The following NEGR1 variants were observed in gnomAD, a reference collection of about 807,000 sequenced individuals.
NEGR1 encodes IgLON family member 4.
Under a neutral mutation model 40.9 loss-of-function variants are expected in NEGR1, and 10 were observed. That is an observed-to-expected ratio of 0.24 (90% CI 0.15 to 0.42). The LOEUF is 0.42. Ranked by LOEUF, NEGR1 falls within the 10% of genes least tolerant of loss-of-function variation. The probability of loss-of-function intolerance (pLI) is 1.00; values close to 1 mark genes in which losing one functional copy is unlikely to be tolerated. For synonymous variants in NEGR1, 185 were observed against 166.8 expected, an observed-to-expected ratio of 1.11 and a Z score of -0.84; for missense variants, 352 against 438.9, an observed-to-expected ratio of 0.80 and a Z score of 1.77.
intron 1 of NEGR1, among the ~76,000 whole-genome samples, chr1:72,204,147 T>C (rs1430749157): frequency 6.6e-6 from 1 of 152,056 alleles, no homozygotes; most frequent in Non-Finnish European, 1.5e-5. Flanking sequence ...AACTTGAAAT[T>C]GCATCAAACA....
intron 6 of NEGR1, among the ~76,000 whole-genome samples, chr1:71,477,788 G>T (rs368386907): frequency 2.0e-5 from 3 of 151,734 alleles, no homozygotes; most frequent in East Asian, 3.9e-4. Context: ...CATTATAGTT[G>T]TTTTCTGTGT....
intron 1 of NEGR1, among the ~76,000 whole-genome samples, chr1:72,149,879 C>CAAAAAAAAAAAAAAAAAA (rs1180110033): frequency 7.6e-5 from 3 of 39,346 alleles, no homozygotes; most frequent in Non-Finnish European, 1.5e-4. Flanking sequence ...AAAACTCTGT[C>CAAAAAAAAAAAAAAAAAA]AAAAAAAAAA....
chr1:72,130,571 A>T (rs1171939714), intron 1 of NEGR1, among the ~76,000 whole-genome samples: 2 of 152,080 alleles, frequency 1.3e-5, no homozygotes, highest in Non-Finnish European at 2.9e-5. Flanking sequence ...TCTCCAGACA[A>T]TTTGGGGCAG....
At chr1:71,557,943 A>G (rs751353219) in intron 6 of NEGR1, among the ~76,000 whole-genome samples, 3 of 151,430 alleles carry the variant, frequency 2.0e-5, no homozygotes. Flanking sequence ...CACTTGGAAG[A>G]GCACTGGTTG....
At chr1:71,749,925 A>G (rs187799712) in intron 3 of NEGR1, among the ~76,000 whole-genome samples, 2 of 152,264 alleles carry the variant, frequency 1.3e-5, no homozygotes, top group Non-Finnish European at 2.9e-5. Context: ...TTACAGACAC[A>G]TATAAAAATG....
intron 1 of NEGR1, among the ~76,000 whole-genome samples, chr1:71,971,041 C>T (rs542523419): frequency 6.6e-6 from 1 of 152,166 alleles, no homozygotes; most frequent in East Asian, 1.9e-4. Flanking sequence ...CAGAGTGCCC[C>T]TAAATTTAAT....
At chr1:71,985,566 T>G (rs1399341106) in intron 1 of NEGR1, among the ~76,000 whole-genome samples, 1 of 152,154 alleles carries the variant, frequency 6.6e-6, no homozygotes, top group Non-Finnish European at 1.5e-5. Context: ...ATGTTATATT[T>G]TATACAGTTT....
intron 2 of NEGR1, among the ~76,000 whole-genome samples, chr1:71,901,029 A>C (rs1476908804): frequency 6.6e-6 from 1 of 152,220 alleles, no homozygotes; most frequent in African/African-American, 2.4e-5. Context: ...ATTTGAACAC[A>C]GATCCATCTA....
chr1:72,183,778 G>A (rs1040215052), intron 1 of NEGR1, among the ~76,000 whole-genome samples: 3 of 152,090 alleles, frequency 2.0e-5, no homozygotes, highest in Non-Finnish European at 4.4e-5. Flanking sequence ...TCTACAAAAT[G>A]TATAAGAACT....
rs56767155 is a variant in NEGR1 at position 72,216,402 on chromosome 1, C to CAT, written c.176+65915_176+65916dup. Among the ~76,000 whole-genome samples, 960 of 119,536 alleles carry CAT rather than the reference C, an allele frequency of 8.0e-3. 2 individuals are homozygous for CAT. The highest frequency in any genetic ancestry group is 0.067 in the Middle Eastern group (14 of 208). 78.4% of individuals were successfully genotyped at this position (119,536 alleles called of 152,430 possible). Reference sequence around the variant, plus strand: ...ATATATACATATATATATATATATACATATATATATATATGTATATCTATA... The same window carrying CAT: ...ATATATACATATATATATATATATACATATATATATATATATGTATATCTATA... On this transcript the variant is annotated intron_variant, in intron 1 of 6. Transcript: ENST00000357731.
At chr1:72,136,659 A>C (rs1650477273) in intron 1 of NEGR1, among the ~76,000 whole-genome samples, 1 of 144,394 alleles carries the variant, frequency 6.9e-6, no homozygotes, top group Non-Finnish European at 1.6e-5. Flanking sequence ...AAAAAAGGCA[A>C]AAAAAAAAAA....
chr1:71,880,598 G>T (rs1246710024), intron 2 of NEGR1, among the ~76,000 whole-genome samples: 1 of 151,822 alleles, frequency 6.6e-6, no homozygotes, highest in Non-Finnish European at 1.5e-5. Flanking sequence ...CTTCAACATA[G>T]ATAGAAAACC....
At chr1:71,818,117 GA>G (rs1238318592) in intron 2 of NEGR1, among the ~76,000 whole-genome samples, 1 of 151,962 alleles carries the variant, frequency 6.6e-6, no homozygotes, top group Non-Finnish European at 1.5e-5. Flanking sequence ...CAGCAATTGT[GA>G]AAAACGGTGT....
At chr1:72,093,435 T>C (rs1281608938) in intron 1 of NEGR1, among the ~76,000 whole-genome samples, 1 of 152,074 alleles carries the variant, frequency 6.6e-6, no homozygotes, top group Non-Finnish European at 1.5e-5. Context: ...ACTTATGTAA[T>C]TGGCTTCTGA....
chr1:72,143,341 G>A (rs893021360), intron 1 of NEGR1, among the ~76,000 whole-genome samples: 6 of 151,914 alleles, frequency 3.9e-5, no homozygotes, highest in African/African-American at 9.7e-5. Flanking sequence ...GCCTGAGCCA[G>A]TCATGCCCAA....
intron 6 of NEGR1, among the ~76,000 whole-genome samples, chr1:71,417,680 TTTTC>T (rs1646365298): frequency 6.6e-6 from 1 of 152,184 alleles, no homozygotes; most frequent in Non-Finnish European, 1.5e-5. Context: ...GGCACCTCAG[TTTTC>T]TCAGTTGAAC....
intron 1 of NEGR1, among the ~76,000 whole-genome samples, chr1:72,124,896 C>A (rs1649949884): frequency 6.6e-6 from 1 of 152,002 alleles, no homozygotes; most frequent in African/African-American, 2.4e-5. Context: ...ACTATAATTT[C>A]TCATTTGATA....
intron 3 of NEGR1, among the ~76,000 whole-genome samples, chr1:71,739,591 A>G (rs2101674708): frequency 6.6e-6 from 1 of 152,190 alleles, no homozygotes; most frequent in South Asian, 2.1e-4. Flanking sequence ...CTCCTATTCT[A>G]TCTGTGTGCA....
chr1:71,805,718 T>G (rs1657745208), intron 2 of NEGR1, among the ~76,000 whole-genome samples: 1 of 152,242 alleles, frequency 6.6e-6, no homozygotes, highest in Non-Finnish European at 1.5e-5. Flanking sequence ...GCTTAACTAC[T>G]TGCCTGCTGT....
Sources: allele counts gnomAD v4.1 joint callset (sites outside exome capture counted in the v4.1 genomes callset), GRCh38; gene constraint gnomAD v4.1.1; transcripts MANE v1.5; gene names NCBI Gene and HGNC (gene_info 2026-07-23, HGNC 2026-07-21).